PKIG: variants seen among roughly 807,000 people sequenced by gnomAD.
PKIG encodes protein kinase (cAMP-dependent, catalytic) inhibitor gamma.
Under a neutral mutation model 6.8 loss-of-function variants are expected in PKIG, and 1 was observed. The observed-to-expected ratio is 0.15, with a 90% CI of 0.05 to 0.69. The LOEUF (loss-of-function observed/expected upper bound fraction) is 0.69, where lower values mean the gene tolerates loss of function less well. Among genes scored for constraint, PKIG ranks in the 30% least tolerant of loss-of-function variants. The pLI, the probability that PKIG is intolerant of heterozygous loss-of-function variation, is 0.82. For missense variants in PKIG, 77 were observed against 104.0 expected (o/e 0.74, Z 1.13); for synonymous variants, 39 against 43.0 (o/e 0.91, Z 0.36).
chr20:44,584,061 A>G (rs967256336), intron 1 of PKIG, among the ~76,000 whole-genome samples: 1 of 152,200 alleles, frequency 6.6e-6, no homozygotes, highest in Non-Finnish European at 1.5e-5. Context: ...ATTATTGAGT[A>G]TCTCTTAAGC....
At chr20:44,606,313 C>T (rs2065163102) in intron 2 of PKIG, among the ~76,000 whole-genome samples, 1 of 152,166 alleles carries the variant, frequency 6.6e-6, no homozygotes, top group Non-Finnish European at 1.5e-5. Context: ...GTTTTAAAAC[C>T]ACCTTTTAGA....
Position 44,555,829 on chromosome 20 carries a change from A to ATTTAT in PKIG, c.-241+23870_-241+23874dup, listed in dbSNP as rs551594871. Among the ~76,000 whole-genome samples the ATTTAT allele has an allele frequency of 2.7e-3, 406 of 152,050 alleles. 1 individual carries two copies. The highest frequency in any genetic ancestry group is 0.017 in the Middle Eastern group (5 of 292). ...GGGAGGAATATTAGAGACCTACTTT[A>ATTTAT]TTTATTTTATTTTATTTTATTTTTT... is the stretch of plus-strand genomic sequence containing the variant. On this transcript the variant is annotated intron_variant, in intron 1 of 4. Transcript: ENST00000372887.
At chr20:44,591,043 C>T (rs2065029060) in intron 2 of PKIG, among the ~76,000 whole-genome samples, 1 of 152,198 alleles carries the variant, frequency 6.6e-6, no homozygotes, top group South Asian at 2.1e-4. Flanking sequence ...GTGGCACAGT[C>T]CTTGCCCTCA....
At chr20:44,601,833 G>A (rs1050100678) in intron 2 of PKIG, among the ~76,000 whole-genome samples, 1 of 152,224 alleles carries the variant, frequency 6.6e-6, no homozygotes, top group Admixed American at 6.5e-5. Context: ...TTTGGAGCTT[G>A]TAATGGAATC....
chr20:44,591,327 G>C lies in PKIG; in HGVS notation c.-24+1461G>C, dbSNP rs73909545. 6.3e-3 allele frequency among the ~76,000 whole-genome samples: 953 copies of C among 152,246 alleles called. 9 individuals carry two copies. Among genetic ancestry groups the C allele is most frequent in the African/African-American group, 0.021 (880 of 41,530 alleles). ...TCTGGAGGTGTCCATGAATGAATCTGAACTTTATCCTGATGGCTCTGAATG... is the reference window on the plus strand; with the variant it reads ...TCTGGAGGTGTCCATGAATGAATCTCAACTTTATCCTGATGGCTCTGAATG... On this transcript the variant is annotated intron_variant, in intron 2 of 3. Coordinates refer to ENST00000372886, the MANE Select transcript of PKIG (RefSeq NM_001281445.2).
rs796482642 is a variant in PKIG, at chr20:44,544,925, C to CTTTTT, written c.-241+12971_-241+12975dup. On this transcript the variant is annotated intron_variant, in intron 1 of 4. Transcript: ENST00000372887. ...TCTTTCTTTCTTTCCTTCCTTCTTT[C>CTTTTT]TTTTTTTTTTTTTTTTTTTTTTTTT... Among the ~76,000 whole-genome samples, 517 of 64,416 alleles carry CTTTTT rather than the reference C, an allele frequency of 8.0e-3. 20 individuals are homozygous for CTTTTT. Among genetic ancestry groups the CTTTTT allele is most frequent in the African/African-American group, 0.011 (142 of 13,390 alleles). 42.3% of individuals were successfully genotyped at this position (64,416 alleles called of 152,430 possible).
At chr20:44,535,004 C>G (rs1430912969) in intron 1 of PKIG, among the ~76,000 whole-genome samples, 1 of 151,990 alleles carries the variant, frequency 6.6e-6, no homozygotes, top group East Asian at 1.9e-4. Context: ...GAGAATTAAA[C>G]TAAAAATACT....
At chr20:44,590,043 A>G (rs2065022048) in intron 2 of PKIG, among the ~76,000 whole-genome samples, 177 bp downstream of exon 2, 1 of 152,182 alleles carries the variant, frequency 6.6e-6, no homozygotes, top group Non-Finnish European at 1.5e-5. Flanking sequence ...ACATAACAGC[A>G]TGCTACAATT....
intron 1 of PKIG, among the ~76,000 whole-genome samples, chr20:44,548,897 C>T (rs1342548294): frequency 3.4e-5 from 4 of 116,290 alleles, no homozygotes; most frequent in Non-Finnish European, 7.3e-5. Context: ...CACACACACA[C>T]ACACACATAT....
rs576058636 is a variant in PKIG at position 44,533,334 on chromosome 20, C to A, written c.-241+1356C>A. Among the ~76,000 whole-genome samples the A allele has an allele frequency of 2.6e-5, 4 of 152,216 alleles. No individual in the cohort carries two copies. In the South Asian group the frequency reaches 8.3e-4, roughly 32 times the overall value. On this transcript the variant is annotated intron_variant, in intron 1 of 4. Coordinates refer to the PKIG transcript ENST00000372887. ...TGCACACCACTGCACCTGGCTAATT[C>A]AAAAAATATTTAATGAGCATCTTCT...
At chr20:44,605,132 G>A (rs2065152574) in intron 2 of PKIG, among the ~76,000 whole-genome samples, 1 of 152,120 alleles carries the variant, frequency 6.6e-6, no homozygotes, top group African/African-American at 2.4e-5. Context: ...CAGGCCAGGT[G>A]CGGTGGCTCA....
At chr20:44,606,557 T>C (rs781669602) in intron 2 of PKIG, among the ~76,000 whole-genome samples, 14 of 152,114 alleles carry the variant, frequency 9.2e-5, no homozygotes, top group Non-Finnish European at 1.9e-4. Context: ...GCTTGTAATC[T>C]CAGCACTTTG....
intron 2 of PKIG, among the ~76,000 whole-genome samples, chr20:44,610,669 A>G (rs1280930235): frequency 2.6e-5 from 4 of 152,232 alleles, no homozygotes; most frequent in Non-Finnish European, 4.4e-5. Flanking sequence ...TTAGAAAACG[A>G]AAGTTCCCCT....
intron 2 of PKIG, among the ~76,000 whole-genome samples, chr20:44,602,958 G>T (rs1031087822): frequency 4.3e-4 from 66 of 152,186 alleles, no homozygotes; most frequent in Non-Finnish European, 8.8e-5. Flanking sequence ...CTATTGCGCG[G>T]GTATTGAACC....
intron 1 of PKIG, among the ~76,000 whole-genome samples, chr20:44,563,355 T>C (rs2064783770): frequency 6.6e-6 from 1 of 152,004 alleles, no homozygotes; most frequent in Non-Finnish European, 1.5e-5. Context: ...TACCAAAGTT[T>C]TGTGGCTTAG....
intron 1 of PKIG, among the ~76,000 whole-genome samples, chr20:44,532,183 T>G (rs1386241848): frequency 1.3e-5 from 2 of 152,204 alleles, no homozygotes; most frequent in African/African-American, 4.8e-5. Context: ...TTCGGCTGTT[T>G]ATTATATTTG....
intron 2 of PKIG, among the ~76,000 whole-genome samples, chr20:44,596,919 G>C (rs1034901172): frequency 1.1e-4 from 17 of 152,156 alleles, no homozygotes; most frequent in Admixed American, 2.6e-4. Context: ...AAAGTCCCCA[G>C]TGACTGTCAT....
chr20:44,590,768 G>A (rs1296149063), intron 2 of PKIG, among the ~76,000 whole-genome samples: 2 of 152,180 alleles, frequency 1.3e-5, no homozygotes, highest in East Asian at 1.9e-4. Context: ...GGGGATGAGC[G>A]CATCGCTCTG....
At chr20:44,586,923 A>T (rs1206332814) in intron 1 of PKIG, among the ~76,000 whole-genome samples, 2 of 152,236 alleles carry the variant, frequency 1.3e-5, no homozygotes, top group East Asian at 3.8e-4. Flanking sequence ...AAGTCTCTTT[A>T]ATGTTTCAAG....
Sources: allele counts gnomAD v4.1 joint callset (sites outside exome capture counted in the v4.1 genomes callset), GRCh38; gene constraint gnomAD v4.1.1; transcripts MANE v1.5; gene names NCBI Gene and HGNC (gene_info 2026-07-23, HGNC 2026-07-21).